The following ZNF827 variants were observed in gnomAD, a reference collection of about 807,000 sequenced individuals.
ZNF827 encodes zinc finger protein 827.
A neutral mutation model predicts 102.4 loss-of-function variants in ZNF827; 13 were observed. The ratio of observed to expected loss-of-function variants is 0.13; its 90% CI spans 0.08 to 0.20. The LOEUF (loss-of-function observed/expected upper bound fraction) is 0.20, where lower values mean the gene tolerates loss of function less well. ZNF827 is among the 10% of genes least tolerant of loss of function. The probability of loss-of-function intolerance (pLI) is 1.00; values close to 1 mark genes in which losing one functional copy is unlikely to be tolerated. For synonymous variants in ZNF827, 523 were observed against 536.2 expected (o/e 0.98, Z 0.34); for missense variants, 1,103 against 1,344.4 (o/e 0.82, Z 2.81).
At chr4:145,801,819 T>A (rs1240274728) in intron 8 of ZNF827, among the ~76,000 whole-genome samples, 4 of 152,104 alleles carry the variant, frequency 2.6e-5, no homozygotes, top group African/African-American at 9.7e-5. Flanking sequence ...AGACATAACT[T>A]CTTTTCCCTT....
Position 145,865,550 on chromosome 4 carries a change from T to A in ZNF827, c.1981+4695A>T, listed in dbSNP as rs373563514. Among the ~76,000 whole-genome samples, 28 of 152,240 alleles carry A rather than the reference T, an allele frequency of 1.8e-4. No individual in the cohort carries two copies. In the South Asian group the frequency reaches 4.1e-3, roughly 23 times the overall value. ...GCTCAAGAATTTGCATCTCTAACGC[T>A]TCCTTATCCCCACAAATTTCATGAT... On this transcript the variant is annotated intron_variant, in intron 5 of 14. Coordinates refer to ENST00000508784, the MANE Select transcript of ZNF827 (RefSeq NM_001306215.2).
At chr4:145,825,044 C>T (rs532058761) in intron 7 of ZNF827, among the ~76,000 whole-genome samples, 99 of 152,266 alleles carry the variant, frequency 6.5e-4, no homozygotes, top group African/African-American at 2.4e-3. Flanking sequence ...TAGTAGGAGG[C>T]AGGAATTGGG....
chr4:145,783,621 G>A (rs555230927), intron 8 of ZNF827, among the ~76,000 whole-genome samples: 6 of 152,320 alleles, frequency 3.9e-5, no homozygotes, highest in Non-Finnish European at 5.9e-5. Flanking sequence ...CCATGGAAGC[G>A]GCTTGGGTAG....
chr4:145,875,476 A>C (rs1321748423), intron 4 of ZNF827, among the ~76,000 whole-genome samples: 2 of 152,186 alleles, frequency 1.3e-5, no homozygotes, highest in East Asian at 1.9e-4. Context: ...TTGGAAAATA[A>C]GTGATGTGGG....
At chr4:145,911,594 T>C (rs1752299519) in intron 1 of ZNF827, among the ~76,000 whole-genome samples, 1 of 152,188 alleles carries the variant, frequency 6.6e-6, no homozygotes. Flanking sequence ...TCAAAAACTA[T>C]TCATTATACT....
chr4:145,882,134 A>G (rs1203302565), intron 4 of ZNF827, among the ~76,000 whole-genome samples: 3 of 152,184 alleles, frequency 2.0e-5, no homozygotes, highest in Admixed American at 6.5e-5. Flanking sequence ...AGCTCTCCGC[A>G]GTCGGGTGAA....
At chr4:145,903,243 A>T (rs201777522) in intron 1 of ZNF827, 28 bp from the exon 2 acceptor site, 6 of 1,568,734 alleles carry the variant, frequency 3.8e-6, no homozygotes, top group Non-Finnish European at 5.2e-6. Flanking sequence ...GATCAGGTTT[A>T]CTCCCAAAGT....
Position 145,775,836 on chromosome 4 carries a change from G to A in ZNF827, c.2646C>T (p.Ala882=), listed in dbSNP as rs753581272. 5.0e-6 allele frequency: 8 copies of A among 1,614,168 alleles called. No individual in the cohort carries two copies. Among genetic ancestry groups the A allele is most frequent in the South Asian group, 1.1e-5 (1 of 91,074 alleles). ...VSTDTEDIVS[A]VTSEGSDGKK... is the part of the protein sequence containing the mutation. ...TCCCATCACTGCCTTCAGAGGTGAC[G>A]GCGCTGACAATGTCCTCGGTGTCTG... Residue 882 remains alanine, a synonymous_variant, in exon 10 of 15, where the codon GCC becomes GCT. Transcript: ENST00000508784.
chr4:145,892,964 T>G (rs1295665769), intron 2 of ZNF827, among the ~76,000 whole-genome samples: 1 of 152,258 alleles, frequency 6.6e-6, no homozygotes, highest in Non-Finnish European at 1.5e-5. Flanking sequence ...TTCGGATCCC[T>G]ACTGCTGACT....
intron 1 of ZNF827, among the ~76,000 whole-genome samples, chr4:145,936,100 G>C (rs1327024056): frequency 6.6e-6 from 1 of 152,114 alleles, no homozygotes; most frequent in Non-Finnish European, 1.5e-5. Flanking sequence ...AGTTCGCAGA[G>C]AACACTGAAG....
intron 8 of ZNF827, among the ~76,000 whole-genome samples, chr4:145,795,077 TC>T (rs1326093704): frequency 6.6e-6 from 1 of 152,206 alleles, no homozygotes; most frequent in African/African-American, 2.4e-5. Context: ...TCCCTCGAGA[TC>T]CATGTACTGG....
In ZNF827 at chr4:145,885,666, C is replaced by CT. The variant is rs1750061516; in HGVS notation, c.1747+11dup. The CT allele has an allele frequency of 3.3e-6, 5 of 1,496,960 alleles. No homozygotes were observed. The highest frequency in any genetic ancestry group is 3.6e-6 in the Non-Finnish European group (4 of 1,122,642). The allele number at this position is 1,496,960 out of a possible 1,614,324, so 92.7% of individuals were successfully genotyped here. A position where few individuals can be genotyped will look rare whatever the true frequency, so the allele number is the denominator to read the frequency against. On this transcript the variant is annotated intron_variant, in intron 4 of 14. Transcript: ENST00000508784. ...AGAGAGAGAGAGAGAGAATACAACC[C>CT]TATTCAAGTACCTGACAGCTTCATG...
chr4:145,787,230 C>T (rs144214906), intron 8 of ZNF827, among the ~76,000 whole-genome samples: 1,731 of 152,180 alleles, frequency 0.011, 39 homozygotes, highest in African/African-American at 0.04. Context: ...TTTGGGAGGC[C>T]GAGGCGTGTG....
intron 1 of ZNF827, among the ~76,000 whole-genome samples, chr4:145,904,863 T>C (rs748202557): frequency 3.3e-5 from 5 of 152,208 alleles, no homozygotes; most frequent in Non-Finnish European, 5.9e-5. Context: ...GCGAGTGTTA[T>C]GACATGACTT....
intron 1 of ZNF827, among the ~76,000 whole-genome samples, chr4:145,910,833 C>T (rs1752229945): frequency 6.6e-6 from 1 of 152,186 alleles, no homozygotes; most frequent in Admixed American, 6.5e-5. Flanking sequence ...ATTGCTCTTC[C>T]TCTGCCTGAA....
chr4:145,885,253 AT>A (rs1466767110), intron 4 of ZNF827, among the ~76,000 whole-genome samples: 1 of 152,152 alleles, frequency 6.6e-6, no homozygotes, highest in Non-Finnish European at 1.5e-5. Flanking sequence ...AATCTTATAA[AT>A]TAAGACAGTA....
chr4:145,783,847 C>T (rs145785236), intron 8 of ZNF827, among the ~76,000 whole-genome samples: 2 of 152,160 alleles, frequency 1.3e-5, no homozygotes, highest in Non-Finnish European at 2.9e-5. Context: ...TGGTTTGGTT[C>T]TGTGTCCCTG....
intron 3 of ZNF827, among the ~76,000 whole-genome samples, chr4:145,886,529 T>C (rs1368176354): frequency 6.6e-6 from 1 of 152,222 alleles, no homozygotes; most frequent in Non-Finnish European, 1.5e-5. Flanking sequence ...AGAGGTAACC[T>C]GTCAAGTAAT....
intron 8 of ZNF827, among the ~76,000 whole-genome samples, chr4:145,818,884 T>C (rs1742859213): frequency 6.6e-6 from 1 of 152,178 alleles, no homozygotes; most frequent in Non-Finnish European, 1.5e-5. Context: ...ATTAGATTGA[T>C]AGGCAGACCA....
Sources: allele counts gnomAD v4.1 joint callset (sites outside exome capture counted in the v4.1 genomes callset), GRCh38; gene constraint gnomAD v4.1.1; transcripts MANE v1.5; gene names NCBI Gene and HGNC (gene_info 2026-07-23, HGNC 2026-07-21).